FLT4: variants seen among roughly 807,000 people sequenced by gnomAD.
The protein encoded by FLT4 is fms related receptor tyrosine kinase 4.
In FLT4, 30 loss-of-function variants were observed where a neutral mutation model predicts 163.2. The observed-to-expected ratio is 0.18, with a 90% confidence interval of 0.14 to 0.25. The LOEUF (loss-of-function observed/expected upper bound fraction) is 0.25, where lower values mean the gene tolerates loss of function less well. Among genes scored for constraint, FLT4 ranks in the 10% least tolerant of loss-of-function variants. FLT4 has a pLI of 1.00. For missense variants in FLT4, 1,510 were observed against 1,863.8 expected (o/e 0.81, Z 3.50); for synonymous variants, 884 against 789.5 (o/e 1.12, Z -2.01).
In FLT4 at chr5:180,609,998, C is replaced by G. The variant is rs370452038; in HGVS notation, c.3714G>C (p.Gly1238=). 1 of 1,614,052 alleles carries G rather than the reference C, an allele frequency of 6.2e-7. No individual in the cohort carries two copies. The highest frequency in any genetic ancestry group is 1.3e-5 in the African/African-American group (1 of 74,928). ...ARYYNWVSFP[G]CLARGAETRG... ...GGGTCTCAGCCCCTCTGGCCAGGCA[C>G]CCGGGAAAGGACACCCAGTTGTAAT... Residue 1238 remains glycine, a synonymous_variant, in exon 28 of 30, where the codon GGG becomes GGC. Transcript: ENST00000261937.
At chr5:180,612,921 G>A in intron 25 of FLT4, 90 bp downstream of exon 25, 4 of 987,634 alleles carry the variant, frequency 4.1e-6, no homozygotes, top group Non-Finnish European at 6.3e-6. Context: ...ACTGGCCCTG[G>A]CTTCCCTGAT....
chr5:180,604,549 C>T (rs866583829), intron 29 of FLT4, among the ~76,000 whole-genome samples: 9 of 152,152 alleles, frequency 5.9e-5, no homozygotes, highest in Admixed American at 2.0e-4. Context: ...TCCTGACACG[C>T]CCTCCAACGG....
At chr5:180,621,374 C>A (rs1397083270) in intron 13 of FLT4, 122 bp from the exon 14 acceptor site, 6 of 1,417,272 alleles carry the variant, frequency 4.2e-6, no homozygotes, top group Admixed American at 4.7e-5. Context: ...GTGCGCCGGG[C>A]AGGAGCGCGG....
chr5:180,605,410 G>T (rs1761734359), intron 29 of FLT4, among the ~76,000 whole-genome samples: 1 of 152,170 alleles, frequency 6.6e-6, no homozygotes, highest in African/African-American at 2.4e-5. Context: ...TTTAATTCAT[G>T]TTGGAGCATT....
At chr5:180,629,091 C>T (rs1291306294) in intron 7 of FLT4, 92 bp from the exon 8 acceptor site, 25 of 1,448,842 alleles carry the variant, frequency 1.7e-5, no homozygotes, top group East Asian at 1.1e-4. Context: ...CCCCGGCAGC[C>T]GGACATCCGC....
intron 1 of FLT4, among the ~76,000 whole-genome samples, chr5:180,641,583 G>A (rs375743409): frequency 5.3e-4 from 77 of 146,022 alleles, no homozygotes; most frequent in African/African-American, 1.6e-3. Context: ...TTGGGCAGAG[G>A]GGGTCACCTG....
intron 1 of FLT4, among the ~76,000 whole-genome samples, chr5:180,637,055 A>C (rs926059426): frequency 2.6e-5 from 4 of 152,098 alleles, no homozygotes; most frequent in African/African-American, 9.7e-5. Context: ...CGAAATCATG[A>C]GACAGAAACA....
chr5:180,629,124 C>A, intron 7 of FLT4, 125 bp from the exon 8 acceptor site: 1 of 1,452,864 alleles, frequency 6.9e-7, no homozygotes, highest in African/African-American at 1.4e-5. Flanking sequence ...GCCATGCCGC[C>A]CGGTGCAGGA....
rs138599624 is a variant in FLT4 at position 180,608,975 on chromosome 5, C to T, written c.3886G>A (p.Gly1296Ser). 186 of 1,613,832 alleles carry T rather than the reference C, an allele frequency of 1.2e-4. 1 individual carries two copies. In the African/African-American group the frequency reaches 1.8e-3, roughly 16 times the overall value. Reference protein sequence around the residue: ...QIESRHRQESGFSCKGPGQNV... With the variant: ...QIESRHRQESSFSCKGPGQNV... ...GGCTCACGAAGCCCTTACCTGAAGCCGCTTTCTTGTCTATGCCTGCTCTCT... is the reference window on the plus strand; with the variant it reads ...GGCTCACGAAGCCCTTACCTGAAGCTGCTTTCTTGTCTATGCCTGCTCTCT... Residue 1296 changes from glycine to serine, a missense_variant, in exon 29 of 30, where the codon GGC (glycine) becomes AGC (serine). Physicochemically the swap from Gly to Ser is moderately conservative, Grantham distance 56. Around this residue, in one of 5 missense-constraint regions of FLT4, gnomAD observed 295 missense variants for 311.0 expected, o/e 0.95. Transcript: ENST00000261937.
chr5:180,616,939 G>A lies in FLT4; in HGVS notation c.3057C>T (p.Phe1019=). Residue 1019 remains phenylalanine, a synonymous_variant, in exon 22 of 30, where the codon TTC becomes TTT. Coordinates refer to ENST00000261937, the MANE Select transcript of FLT4 (RefSeq NM_182925.5). ...GGAACTCCATCCCTCTGGCCACCTGGAAGCTGTAGCAGACAAGATCTTCCA... is the reference window on the plus strand; with the variant it reads ...GGAACTCCATCCCTCTGGCCACCTGAAAGCTGTAGCAGACAAGATCTTCCA... ...LTMEDLVCYS[F]QVARGMEFLA... is the part of the protein sequence containing the mutation. The A allele has an allele frequency of 6.2e-7, 1 of 1,613,426 alleles. No individual in the cohort carries two copies. Among genetic ancestry groups the A allele is most frequent in the Non-Finnish European group, 8.5e-7 (1 of 1,179,950 alleles).
At chr5:180,619,998 G>C (rs1029175631) in intron 17 of FLT4, among the ~76,000 whole-genome samples, 175 bp downstream of exon 17, 4 of 152,196 alleles carry the variant, frequency 2.6e-5, no homozygotes, top group Non-Finnish European at 5.9e-5. Flanking sequence ...ACCTCAGGGA[G>C]CCTGGGAACT....
intron 10 of FLT4, 66 bp downstream of exon 10, chr5:180,625,803 G>A (rs1011624028): frequency 1.4e-6 from 2 of 1,475,696 alleles, no homozygotes; most frequent in African/African-American, 2.8e-5. Context: ...CTGTAAAGGA[G>A]GTTCCTCATG....
intron 1 of FLT4, among the ~76,000 whole-genome samples, chr5:180,643,378 C>T (rs540260959): frequency 3.9e-5 from 6 of 152,296 alleles, no homozygotes; most frequent in African/African-American, 1.2e-4. Context: ...ATCCTGACAG[C>T]AGCTTGGCGT....
chr5:180,612,446 G>T, intron 26 of FLT4, 60 bp downstream of exon 26: 1 of 1,288,962 alleles, frequency 7.8e-7, no homozygotes, highest in Admixed American at 1.7e-5. Flanking sequence ...GGCAGCTCGG[G>T]CCAGGGACCC....
intron 8 of FLT4, 58 bp downstream of exon 8, chr5:180,628,824 T>G: frequency 2.4e-6 from 3 of 1,230,660 alleles, no homozygotes; most frequent in South Asian, 2.4e-5. Flanking sequence ...CTATGGTCTG[T>G]TTTGCCCCTG....
chr5:180,605,409 T>C (rs1215986062), intron 29 of FLT4, among the ~76,000 whole-genome samples: 1 of 152,194 alleles, frequency 6.6e-6, no homozygotes, highest in Admixed American at 6.5e-5. Flanking sequence ...GTTTAATTCA[T>C]GTTGGAGCAT....
rs373327722 is a variant in FLT4, at chr5:180,619,379, C to G, written c.2648-13G>C. ...GCCGTGGCGCCCTCTGGAGGGGACA[C>G]GGGCCTCACACCGGCCCCGACCCTG... On this transcript the variant is annotated splice_polypyrimidine_tract_variant and intron_variant, in intron 18 of 29. Coordinates refer to ENST00000261937, the MANE Select transcript of FLT4 (RefSeq NM_182925.5). 1 of 1,593,558 alleles carries G rather than the reference C, an allele frequency of 6.3e-7. No individual in the cohort carries two copies.
chr5:180,649,266 C>T (rs1452943851), intron 1 of FLT4, among the ~76,000 whole-genome samples: 2 of 151,868 alleles, frequency 1.3e-5, no homozygotes, highest in African/African-American at 4.8e-5. Context: ...AGGCGCGGCC[C>T]GGCCGCCCTG....
chr5:180,629,098 C>T (rs1763880281), intron 7 of FLT4, 99 bp from the exon 8 acceptor site: 2 of 1,445,662 alleles, frequency 1.4e-6, no homozygotes, highest in Non-Finnish European at 1.9e-6. Flanking sequence ...AGCCGGACAT[C>T]CGCAGACTGG....
Sources: gnomAD v4.1 joint callset for allele counts (sites outside exome capture counted in the v4.1 genomes callset) on GRCh38, gnomAD v4.1.1 for gene constraint, gnomAD v4.1.1 regional missense constraint, MANE v1.5 for transcripts, NCBI Gene and HGNC (gene_info 2026-07-23, HGNC 2026-07-21) for gene names.